Variants in NR1H4 observed in about 807,000 individuals in gnomAD.
The protein encoded by NR1H4 is nuclear receptor subfamily 1 group H member 4, also known as bile acid receptor.
NR1H4 carries 23 observed loss-of-function variants against 58.5 expected under a neutral mutation model. The ratio of observed to expected loss-of-function variants is 0.39; its 90% CI spans 0.28 to 0.56. The LOEUF is 0.56. NR1H4 is among the 20% of genes least tolerant of loss of function. NR1H4 has a pLI of 0.58. For synonymous variants in NR1H4, 214 were observed against 198.0 expected (o/e 1.08, Z -0.68); for missense variants, 487 against 576.9 (o/e 0.84, Z 1.60).
At chr12:100,559,541 G>A (rs1208276250) in intron 9 of NR1H4, among the ~76,000 whole-genome samples, 1 of 152,180 alleles carries the variant, frequency 6.6e-6, no homozygotes, top group Non-Finnish European at 1.5e-5. Flanking sequence ...GGCTGCGGAG[G>A]GTGTACTGGG....
chr12:100,481,971 G>T (rs1477131452), intron 1 of NR1H4, among the ~76,000 whole-genome samples: 1 of 151,780 alleles, frequency 6.6e-6, no homozygotes, highest in Non-Finnish European at 1.5e-5. Flanking sequence ...GGCAAGTGGT[G>T]CATGCCTGTA....
At chr12:100,511,808 G>A (rs2080575251) in intron 4 of NR1H4, among the ~76,000 whole-genome samples, 1 of 152,164 alleles carries the variant, frequency 6.6e-6, no homozygotes, top group African/African-American at 2.4e-5. Flanking sequence ...TGTAATTCCA[G>A]CTACTCAGGA....
At chr12:100,504,177 G>A (rs1399531950) in intron 3 of NR1H4, among the ~76,000 whole-genome samples, 2 of 152,054 alleles carry the variant, frequency 1.3e-5, no homozygotes, top group East Asian at 1.9e-4. Context: ...TTAGGCCCAG[G>A]CTCTTGGTTT....
rs569307778 is a variant in NR1H4, at chr12:100,557,351, C to T, written c.1079-4534C>T. On this transcript the variant is annotated intron_variant, in intron 9 of 10. Coordinates refer to ENST00000392986, the MANE Select transcript of NR1H4 (RefSeq NM_001206979.2). The stretch of plus-strand genomic sequence containing the variant: ...GTAACTAATAAAGTAAGAACTCATT[C>T]ATTACCATGGGGAGGGCACCAAGCC... 2.8e-4 allele frequency among the ~76,000 whole-genome samples: 42 copies of T among 152,320 alleles called. 1 individual carries two copies. Among genetic ancestry groups the T allele is most frequent in the African/African-American group, 9.9e-4 (41 of 41,584 alleles).
rs1447968998 is a variant in NR1H4 at position 100,540,675 on chromosome 12, T to C, written c.935T>C (p.Phe312Ser). The stretch of plus-strand genomic sequence containing the variant: ...TTTGATTATCATCATTACCTAGGAT[T>C]TCAGACTTTGGACCATGAAGACCAG... ...LVEFTKKLPG[F>S]QTLDHEDQIA... The change falls in exon 9 of 11, where the codon TTT becomes TCT. Residue 312 changes from phenylalanine (F) to serine (S), a missense_variant. By Grantham distance (155) the Phe-to-Ser change is radical (BLOSUM62 -2). Transcript: ENST00000392986. The C allele has an allele frequency of 6.2e-7, 1 of 1,614,050 alleles. No individual in the cohort carries two copies. Among genetic ancestry groups the C allele is most frequent in the Non-Finnish European group, 8.5e-7 (1 of 1,179,986 alleles).
chr12:100,485,151 CTCATTACTT>C (rs1411923606), intron 1 of NR1H4, among the ~76,000 whole-genome samples: 1 of 152,176 alleles, frequency 6.6e-6, no homozygotes, highest in Non-Finnish European at 1.5e-5. Flanking sequence ...GAATATGGGG[CTCATTACTT>C]TCATTCATGT....
At chr12:100,532,306 C>T (rs77738620) in intron 4 of NR1H4, 152 bp from the exon 5 acceptor site, 13,584 of 657,746 alleles carry the variant, frequency 0.021, 363 homozygotes, top group African/African-American at 0.1. Context: ...CACAATGTCA[C>T]ATAAAGTATT....
chr12:100,552,710 A>T (rs1593130619), intron 9 of NR1H4, among the ~76,000 whole-genome samples: 3 of 152,228 alleles, frequency 2.0e-5, no homozygotes, highest in African/African-American at 7.2e-5. Flanking sequence ...ATTGCTTAAG[A>T]CCAGGAGTTC....
chr12:100,540,582 A>G (rs1954911724), intron 8 of NR1H4, 90 bp from the exon 9 acceptor site: 1 of 1,395,008 alleles, frequency 7.2e-7, no homozygotes, highest in South Asian at 1.2e-5. Context: ...CTACAGAATC[A>G]CTTGATGTAA....
intron 9 of NR1H4, among the ~76,000 whole-genome samples, chr12:100,558,492 G>A (rs374226839): frequency 1.3e-5 from 2 of 152,144 alleles, no homozygotes; most frequent in Non-Finnish European, 1.5e-5. Flanking sequence ...TGAGTAGCTG[G>A]GACCACAGGC....
chr12:100,489,720 G>A (rs116552003), intron 1 of NR1H4, among the ~76,000 whole-genome samples: 2,657 of 152,270 alleles, frequency 0.017, 61 homozygotes, highest in African/African-American at 0.054. Context: ...CAAAGAATTA[G>A]CAATTGTAAT....
chr12:100,510,646 G>A (rs1310647039), intron 3 of NR1H4, 132 bp from the exon 4 acceptor site: 2 of 528,376 alleles, frequency 3.8e-6, no homozygotes, highest in East Asian at 4.6e-5. Flanking sequence ...CTCTAAAGAA[G>A]TTGTAAACTT....
At chr12:100,555,840 G>A (rs35738) in intron 9 of NR1H4, among the ~76,000 whole-genome samples, 73,651 of 152,006 alleles carry the variant, frequency 0.48, 19,210 homozygotes, top group Non-Finnish European at 0.61. Flanking sequence ...TTTGCTGGAA[G>A]CCAGGACTGG....
chr12:100,562,058 G>T (rs560243526), intron 10 of NR1H4, 60 bp downstream of exon 10: 2 of 819,810 alleles, frequency 2.4e-6, no homozygotes, highest in Non-Finnish European at 4.2e-6. Flanking sequence ...TAGTAATAAC[G>T]TTTATTGAAA....
intron 9 of NR1H4, among the ~76,000 whole-genome samples, chr12:100,543,421 A>G (rs1184061037): frequency 6.6e-6 from 1 of 152,158 alleles, no homozygotes; most frequent in Admixed American, 6.6e-5. Context: ...TTAGGAGGCA[A>G]GAAGTCTCAA....
Position 100,487,595 on chromosome 12 carries a change from CTTT to C in NR1H4, c.-189-4891_-189-4889del, listed in dbSNP as rs34694873. On this transcript the variant is annotated intron_variant, in intron 1 of 10. Transcript: ENST00000392986. ...ACCTGCTCTGATTCTTCTTCTTCTTCTTTTTTTTTTTTTTTTTTTGAGACGAGT... is the reference window on the plus strand; with the variant it reads ...ACCTGCTCTGATTCTTCTTCTTCTTCTTTTTTTTTTTTTTTTGAGACGAGT... 1.6e-4 allele frequency among the ~76,000 whole-genome samples: 18 copies of C among 115,974 alleles called. No homozygotes were observed. The Admixed American group carries it at 1.6e-3, about 10-fold the overall frequency. 76.1% of individuals were successfully genotyped at this position (115,974 alleles called of 152,430 possible).
At chr12:100,485,938 C>T (rs1953482402) in intron 1 of NR1H4, among the ~76,000 whole-genome samples, 1 of 152,104 alleles carries the variant, frequency 6.6e-6, no homozygotes, top group Admixed American at 6.5e-5. Context: ...TATCCATTCT[C>T]TTTTTGATGG....
intron 8 of NR1H4, among the ~76,000 whole-genome samples, chr12:100,538,350 G>T (rs1023071808): frequency 6.6e-6 from 1 of 152,150 alleles, no homozygotes; most frequent in African/African-American, 2.4e-5. Context: ...AGGCAACAGG[G>T]CTTGAAATAA....
chr12:100,504,119 G>T (rs935820511), intron 3 of NR1H4, among the ~76,000 whole-genome samples: 9 of 152,100 alleles, frequency 5.9e-5, no homozygotes, highest in Admixed American at 5.2e-4. Context: ...TTCACAGCAG[G>T]TTTCTCCCAA....
Sources: gnomAD v4.1 joint callset for allele counts (sites outside exome capture counted in the v4.1 genomes callset) on GRCh38, gnomAD v4.1.1 for gene constraint, MANE v1.5 for transcripts, NCBI Gene and HGNC (gene_info 2026-07-23, HGNC 2026-07-21) for gene names.